Variants in METTL25 observed in about 807,000 individuals in gnomAD.
The protein encoded by METTL25 is methyltransferase like 25, also known as probable methyltransferase-like protein 25.
In METTL25, 64 loss-of-function variants were observed where a neutral mutation model predicts 71.6. The observed-to-expected ratio is 0.89, with a 90% CI of 0.73 to 1.10. The LOEUF is 1.10. Among genes scored for constraint, METTL25 ranks in the 50% least tolerant of loss-of-function variants. The pLI, the probability that METTL25 is intolerant of heterozygous loss-of-function variation, is 0.00. For synonymous variants in METTL25, 287 were observed against 250.3 expected (o/e 1.15, Z -1.38); for missense variants, 807 against 707.0 (o/e 1.14, Z -1.60).
At chr12:82,399,969 TTTTGGAGTTGTATTACCC>T (rs1177350928) in intron 4 of METTL25, among the ~76,000 whole-genome samples, 3 of 149,868 alleles carry the variant, frequency 2.0e-5, no homozygotes, top group African/African-American at 7.3e-5. Flanking sequence ...AAAAGGTAGC[TTTTGGAGTTGTATTACCC>T]TTGTAATTTT....
intron 9 of METTL25, among the ~76,000 whole-genome samples, chr12:82,460,806 T>C (rs865828527): frequency 2.0e-5 from 3 of 152,218 alleles, no homozygotes; most frequent in Non-Finnish European, 4.4e-5. Context: ...ATGGGGACTT[T>C]AGTTAATAAT....
chr12:82,398,007 A>G (rs1886233066), intron 3 of METTL25, among the ~76,000 whole-genome samples: 1 of 152,130 alleles, frequency 6.6e-6, no homozygotes, highest in South Asian at 2.1e-4. Context: ...ATTTCTTTAC[A>G]AAGCTTAGCT....
intron 5 of METTL25, among the ~76,000 whole-genome samples, chr12:82,426,494 C>T (rs1889025053): frequency 6.6e-6 from 1 of 152,016 alleles, no homozygotes; most frequent in East Asian, 1.9e-4. Flanking sequence ...GACTGCCCTT[C>T]TGTCCTTCAT....
chr12:82,462,759 T>C (rs1388703567), intron 9 of METTL25, among the ~76,000 whole-genome samples: 1 of 152,138 alleles, frequency 6.6e-6, no homozygotes, highest in African/African-American at 2.4e-5. Flanking sequence ...GGGGATTGGT[T>C]CCAGGACTCC....
At chr12:82,390,353 T>A (rs377759211) in intron 3 of METTL25, among the ~76,000 whole-genome samples, 12 of 152,132 alleles carry the variant, frequency 7.9e-5, no homozygotes, top group African/African-American at 2.7e-4. Flanking sequence ...GTTATGTTTT[T>A]AAGACTTGGA....
At chr12:82,470,551 G>A (rs1455339076) in intron 9 of METTL25, among the ~76,000 whole-genome samples, 1 of 129,700 alleles carries the variant, frequency 7.7e-6, no homozygotes, top group East Asian at 1.9e-4. Flanking sequence ...TTTTTACAGG[G>A]CAGAAATGAA....
chr12:82,398,004 T>G (rs971732198), intron 3 of METTL25, among the ~76,000 whole-genome samples: 3 of 152,068 alleles, frequency 2.0e-5, no homozygotes, highest in Admixed American at 6.6e-5. Flanking sequence ...TCAATTTCTT[T>G]ACAAAGCTTA....
intron 1 of METTL25, among the ~76,000 whole-genome samples, chr12:82,381,112 A>C (rs1884402050): frequency 6.6e-6 from 1 of 152,242 alleles, no homozygotes; most frequent in Non-Finnish European, 1.5e-5. Flanking sequence ...ATCGTAAGTT[A>C]TAACAAAGTA....
intron 5 of METTL25, among the ~76,000 whole-genome samples, chr12:82,425,771 G>A (rs573027337): frequency 6.6e-6 from 1 of 152,100 alleles, no homozygotes; most frequent in East Asian, 1.9e-4. Flanking sequence ...ATAATTAAGA[G>A]GATGTATGTA....
At chr12:82,450,947 C>T (rs1171263658) in intron 8 of METTL25, among the ~76,000 whole-genome samples, 1 of 151,988 alleles carries the variant, frequency 6.6e-6, no homozygotes, top group Non-Finnish European at 1.5e-5. Flanking sequence ...TCCTCTATCA[C>T]CAGGTTTTCA....
intron 2 of METTL25, among the ~76,000 whole-genome samples, chr12:82,388,138 A>T (rs530405505): frequency 6.6e-6 from 1 of 152,050 alleles, no homozygotes; most frequent in African/African-American, 2.4e-5. Flanking sequence ...TGCATTTTTG[A>T]TAGGAGTACT....
intron 1 of METTL25, chr12:82,369,468 C>A: frequency 2.2e-6 from 1 of 449,950 alleles, no homozygotes; most frequent in African/African-American, 2.0e-5. Context: ...ATGGTGTGTC[C>A]GGAGTTTCTT....
intron 9 of METTL25, among the ~76,000 whole-genome samples, chr12:82,460,416 G>T (rs1891786230): frequency 6.6e-6 from 1 of 152,162 alleles, no homozygotes; most frequent in Admixed American, 6.5e-5. Flanking sequence ...TATGTGAATG[G>T]TAGAAAAAGA....
chr12:82,401,037 A>C (rs1038140069), intron 4 of METTL25, among the ~76,000 whole-genome samples: 7 of 152,076 alleles, frequency 4.6e-5, no homozygotes, highest in Non-Finnish European at 8.8e-5. Flanking sequence ...CATAATCTCT[A>C]AATAAAACCT....
chr12:82,369,889 G>T (rs1271772477), intron 1 of METTL25, among the ~76,000 whole-genome samples: 1 of 151,964 alleles, frequency 6.6e-6, no homozygotes, highest in Non-Finnish European at 1.5e-5. Flanking sequence ...TAGATACAGA[G>T]TGCTGATTGG....
intron 5 of METTL25, among the ~76,000 whole-genome samples, chr12:82,403,378 A>G (rs960974089): frequency 2.6e-5 from 4 of 152,160 alleles, no homozygotes; most frequent in African/African-American, 9.6e-5. Context: ...CTTTGCAAAT[A>G]TTTGAAAATT....
chr12:82,440,690 A>T (rs1348783973), intron 8 of METTL25, among the ~76,000 whole-genome samples: 1 of 152,062 alleles, frequency 6.6e-6, no homozygotes, highest in East Asian at 1.9e-4. Context: ...CTTATGTGAA[A>T]ACCAAACGAA....
At chr12:82,470,356 T>G (rs1046178736) in intron 9 of METTL25, among the ~76,000 whole-genome samples, 1 of 152,154 alleles carries the variant, frequency 6.6e-6, no homozygotes, top group Non-Finnish European at 1.5e-5. Flanking sequence ...ATATGATGCA[T>G]TCAGTACTTG....
At chr12:82,462,436 C>T (rs1891946145) in intron 9 of METTL25, among the ~76,000 whole-genome samples, 1 of 152,114 alleles carries the variant, frequency 6.6e-6, no homozygotes, top group East Asian at 1.9e-4. Flanking sequence ...TTTTTTCCAG[C>T]TTCTGCATAT....
Sources: allele counts gnomAD v4.1 joint callset (sites outside exome capture counted in the v4.1 genomes callset), GRCh38; gene constraint gnomAD v4.1.1; transcripts MANE v1.5; gene names NCBI Gene and HGNC (gene_info 2026-07-23, HGNC 2026-07-21).